The following NEURL1 variants were observed in gnomAD, a reference collection of about 807,000 sequenced individuals.
The protein encoded by NEURL1 is neuralized E3 ubiquitin protein ligase 1.
NEURL1 carries 26 observed loss-of-function variants against 41.2 expected under a neutral mutation model. The ratio of observed to expected loss-of-function variants is 0.63; its 90% CI spans 0.46 to 0.87. The LOEUF is 0.87. NEURL1 is among the 40% of genes least tolerant of loss of function. The pLI is 0.00. For synonymous variants in NEURL1, 400 were observed against 402.3 expected, an observed-to-expected ratio of 0.99 and a Z score of 0.07; for missense variants, 761 against 871.1, an observed-to-expected ratio of 0.87 and a Z score of 1.59.
chr10:103,518,876 C>T (rs113709961), intron 1 of NEURL1, among the ~76,000 whole-genome samples: 10 of 152,160 alleles, frequency 6.6e-5, no homozygotes, highest in Non-Finnish European at 1.2e-4. Context: ...TGTTGGGGAA[C>T]GGGATGCTTT....
chr10:103,534,352 A>G (rs892812765), intron 1 of NEURL1, among the ~76,000 whole-genome samples: 1 of 152,090 alleles, frequency 6.6e-6, no homozygotes, highest in Non-Finnish European at 1.5e-5. Flanking sequence ...ACATCCTCAC[A>G]TTGATGTCTG....
intron 3 of NEURL1, among the ~76,000 whole-genome samples, chr10:103,573,645 C>T (rs2035595385): frequency 6.6e-6 from 1 of 152,048 alleles, no homozygotes; most frequent in Non-Finnish European, 1.5e-5. Flanking sequence ...CCTCAGGCTT[C>T]CCACCTGTAT....
chr10:103,503,788 C>CA (rs2033879739), intron 1 of NEURL1, among the ~76,000 whole-genome samples: 1 of 110,586 alleles, frequency 9.0e-6, no homozygotes, highest in Admixed American at 1.1e-4. Context: ...CTCCCCCTGG[C>CA]TTTTTTTTTT....
chr10:103,543,001 C>CA (rs1437014720), intron 1 of NEURL1, among the ~76,000 whole-genome samples: 5 of 152,208 alleles, frequency 3.3e-5, no homozygotes, highest in Non-Finnish European at 7.3e-5. Flanking sequence ...TGGGAAGCCA[C>CA]AGGCAATTGC....
At position 103,493,775 on chromosome 10, in the gene NEURL1, G is replaced by C. The variant is rs1299566799; in HGVS notation, c.-613G>C. 2.6e-5 allele frequency among the ~76,000 whole-genome samples: 4 copies of C among 152,002 alleles called. No individual in the cohort carries two copies. Among genetic ancestry groups the C allele is most frequent in the Non-Finnish European group, 5.9e-5 (4 of 67,934 alleles). On this transcript the variant is annotated 5_prime_UTR_variant, in exon 1 of 6. Transcript: ENST00000369780. ...AGGGAATCCTGGAGACTGCCGGGGC[G>C]GGGGGCGGGGGCGGCGGTCGCAGGA...
At chr10:103,580,251 G>A (rs2035758194) in intron 3 of NEURL1, among the ~76,000 whole-genome samples, 1 of 152,226 alleles carries the variant, frequency 6.6e-6, no homozygotes, top group Non-Finnish European at 1.5e-5. Flanking sequence ...CCTGAATGAT[G>A]GGACATGCAA....
At chr10:103,548,332 T>TC (rs1434190144) in intron 1 of NEURL1, among the ~76,000 whole-genome samples, 1 of 105,550 alleles carries the variant, frequency 9.5e-6, no homozygotes, top group Non-Finnish European at 2.1e-5. Context: ...TGTATTTTTC[T>TC]TTTTTTTTGA....
In NEURL1 at chr10:103,545,750, T is replaced by C. The variant is rs1259201009; in HGVS notation, c.86-25122T>C. 6.6e-6 allele frequency among the ~76,000 whole-genome samples: 1 copy of C among 152,226 alleles called. No individual in the cohort carries two copies. The highest frequency in any genetic ancestry group is 1.9e-4 in the East Asian group (1 of 5,200). The stretch of plus-strand genomic sequence containing the variant: ...GCAAGGGACTGCCACACCCTTTTTC[T>C]TTCTGGAGCATTTTCAGGTTTATGC... On this transcript the variant is annotated intron_variant, in intron 1 of 5. Coordinates refer to ENST00000369780, the MANE Select transcript of NEURL1 (RefSeq NM_004210.5). The surrounding 1 kb of genome is among the most constrained non-coding windows in gnomAD (Gnocchi z 4.5).
chr10:103,493,791 G>C lies in NEURL1; in HGVS notation c.-597G>C, dbSNP rs1449629441. On this transcript the variant is annotated 5_prime_UTR_variant, in exon 1 of 6. Transcript: ENST00000369780. The stretch of plus-strand genomic sequence containing the variant: ...TGCCGGGGCGGGGGGCGGGGGCGGC[G>C]GTCGCAGGAGGGACCCGGCGCGGGC... Among the ~76,000 whole-genome samples, 2 of 151,860 alleles carry C rather than the reference G, an allele frequency of 1.3e-5. No homozygotes were observed. The highest frequency in any genetic ancestry group is 2.9e-5 in the Non-Finnish European group (2 of 67,922).
chr10:103,574,780 CCT>C (rs1412448278), intron 3 of NEURL1, among the ~76,000 whole-genome samples: 13 of 152,178 alleles, frequency 8.5e-5, no homozygotes, highest in African/African-American at 3.1e-4. Context: ...CCCCATCCCC[CCT>C]GTGACTATAA....
intron 1 of NEURL1, among the ~76,000 whole-genome samples, chr10:103,539,635 T>A (rs1405367108): frequency 1.3e-5 from 2 of 152,208 alleles, no homozygotes; most frequent in Non-Finnish European, 2.9e-5. Flanking sequence ...TTCCATGTAC[T>A]AAGGGCATCA....
intron 5 of NEURL1, 70 bp downstream of exon 5, chr10:103,589,730 C>CGGGGCTGGGAGTGGAGA (rs1226188029): frequency 4.8e-5 from 74 of 1,539,122 alleles, no homozygotes; most frequent in Admixed American, 1.9e-5. Flanking sequence ...CCTTTGTGTC[C>CGGGGCTGGGAGTGGAGA]GGGGCTGGGA....
chr10:103,517,916 G>A (rs144446039), intron 1 of NEURL1, among the ~76,000 whole-genome samples: 20 of 152,312 alleles, frequency 1.3e-4, no homozygotes, highest in Admixed American at 7.2e-4. Context: ...GGGCCTCACC[G>A]CAGTGTGCCT....
At chr10:103,499,979 A>G (rs2033785031) in intron 1 of NEURL1, among the ~76,000 whole-genome samples, 1 of 152,092 alleles carries the variant, frequency 6.6e-6, no homozygotes. Flanking sequence ...CAACCCACAG[A>G]TCTTCCCTCA....
intron 2 of NEURL1, 23 bp downstream of exon 2, chr10:103,571,136 C>T: frequency 6.2e-7 from 1 of 1,606,084 alleles, no homozygotes; most frequent in South Asian, 1.1e-5. Flanking sequence ...CCTGCCCCCG[C>T]CCCCGCCTCC....
chr10:103,532,048 C>T (rs2034584187), intron 1 of NEURL1, among the ~76,000 whole-genome samples: 1 of 152,112 alleles, frequency 6.6e-6, no homozygotes, highest in South Asian at 2.1e-4. Context: ...TATCTTTATC[C>T]ATCCCTTCAT....
At chr10:103,494,601 G>A (rs1302842860) in intron 1 of NEURL1, 129 bp downstream of exon 1, 16 of 820,174 alleles carry the variant, frequency 2.0e-5, no homozygotes, top group Non-Finnish European at 2.4e-5. Flanking sequence ...ACCTCTGGCC[G>A]TGGAGTGGGC....
At chr10:103,525,068 A>T (rs2034433016) in intron 1 of NEURL1, among the ~76,000 whole-genome samples, 1 of 152,190 alleles carries the variant, frequency 6.6e-6, no homozygotes, top group Non-Finnish European at 1.5e-5. Flanking sequence ...ATCCATAAAC[A>T]TGGATGTCTT....
Position 103,592,363 on chromosome 10 carries a change from G to A in NEURL1, c.*1991G>A, listed in dbSNP as rs2036070633. 1 of 152,574 alleles carries A rather than the reference G, an allele frequency of 6.6e-6. No individual in the cohort carries two copies. The highest frequency in any genetic ancestry group is 6.5e-5 in the Admixed American group (1 of 15,276). The allele number at this position is 152,574 out of a possible 1,614,324, so 9.5% of individuals were successfully genotyped here. ...CTCCACTACCCAGTCACTGACCCTG[G>A]GAGACCCCTTCTGTGTGGGAGGGAG... On this transcript the variant is annotated 3_prime_UTR_variant, in exon 6 of 6. Coordinates refer to ENST00000369780, the MANE Select transcript of NEURL1 (RefSeq NM_004210.5). The surrounding 1 kb of genome is among the most constrained non-coding windows in gnomAD (Gnocchi z 4.8).
Sources: gnomAD v4.1 joint callset for allele counts (sites outside exome capture counted in the v4.1 genomes callset) on GRCh38, gnomAD v4.1.1 for gene constraint, Gnocchi (gnomAD v3.1) non-coding constraint, MANE v1.5 for transcripts, NCBI Gene and HGNC (gene_info 2026-07-23, HGNC 2026-07-21) for gene names.